Variants in CCSER1 observed in about 807,000 individuals in gnomAD.
CCSER1 encodes coiled-coil serine rich protein 1, also known as serine-rich coiled-coil domain-containing protein 1.
In CCSER1, 41 loss-of-function variants were observed where a neutral mutation model predicts 82.0. The observed-to-expected ratio is 0.50, with a 90% CI of 0.39 to 0.65. The LOEUF is 0.65. Ranked by LOEUF, CCSER1 falls within the 30% of genes least tolerant of loss-of-function variation. The pLI, the probability that CCSER1 is intolerant of heterozygous loss-of-function variation, is 0.00. For missense variants in CCSER1, 1,119 were observed against 1,064.2 expected (o/e 1.05, Z -0.72); for synonymous variants, 414 against 383.9 (o/e 1.08, Z -0.92).
chr4:90,372,418 A>G (rs1315633650), intron 3 of CCSER1, among the ~76,000 whole-genome samples: 1 of 152,186 alleles, frequency 6.6e-6, no homozygotes, highest in Non-Finnish European at 1.5e-5. Flanking sequence ...TCTGAGTGAT[A>G]TTGGAGCATG....
chr4:90,502,960 A>T (rs75378072), intron 5 of CCSER1, among the ~76,000 whole-genome samples: 2,448 of 152,268 alleles, frequency 0.016, 39 homozygotes, highest in African/African-American at 0.047. Context: ...GCACAAGATG[A>T]CTTCGGAGAG....
At chr4:91,418,303 T>TAAAAAAAA (rs142070235) in intron 10 of CCSER1, among the ~76,000 whole-genome samples, 1 of 113,634 alleles carries the variant, frequency 8.8e-6, no homozygotes, top group Non-Finnish European at 1.7e-5. Context: ...ATTTTTTAAT[T>TAAAAAAAA]AAAAAAAAAA....
At chr4:90,228,106 T>C (rs1164655604) in intron 1 of CCSER1, among the ~76,000 whole-genome samples, 1 of 152,176 alleles carries the variant, frequency 6.6e-6, no homozygotes, top group Non-Finnish European at 1.5e-5. Context: ...AAGCTCCAAC[T>C]GGGTGGAGCC....
At chr4:91,251,326 A>C (rs1740242124) in intron 10 of CCSER1, among the ~76,000 whole-genome samples, 1 of 152,166 alleles carries the variant, frequency 6.6e-6, no homozygotes, top group Admixed American at 6.6e-5. Flanking sequence ...TTATGCAGGC[A>C]CTAATTCTAT....
chr4:91,235,959 T>C (rs1738969016), intron 10 of CCSER1, among the ~76,000 whole-genome samples: 1 of 152,172 alleles, frequency 6.6e-6, no homozygotes, highest in South Asian at 2.1e-4. Flanking sequence ...ATTATCAGCT[T>C]TAACTGAGTT....
At chr4:90,302,276 C>G (rs2153474543) in intron 1 of CCSER1, among the ~76,000 whole-genome samples, 1 of 152,258 alleles carries the variant, frequency 6.6e-6, no homozygotes, top group African/African-American at 2.4e-5. Flanking sequence ...GATAAATATA[C>G]AGATGCTTAC....
chr4:90,863,446 A>G (rs1765339441), intron 8 of CCSER1, among the ~76,000 whole-genome samples: 1 of 151,898 alleles, frequency 6.6e-6, no homozygotes, highest in South Asian at 2.1e-4. Context: ...AGATACTTTT[A>G]CATATCACAT....
At position 90,906,863 on chromosome 4, in the gene CCSER1, C is replaced by T. The variant is rs561374816; in HGVS notation, c.2095-16507C>T. Among the ~76,000 whole-genome samples the T allele has an allele frequency of 3.4e-4, 52 of 152,138 alleles. 1 individual carries two copies. The highest frequency in any genetic ancestry group is 3.4e-3 in the Middle Eastern group (1 of 294). On this transcript the variant is annotated intron_variant, in intron 8 of 10. Transcript: ENST00000509176. ...TGTATTAGTCAGTGCCATTTTAACT[C>T]TCCTAAATCTTCGCAATGCCTATAT...
At chr4:91,440,363 C>T (rs1430788034) in intron 10 of CCSER1, among the ~76,000 whole-genome samples, 1 of 152,162 alleles carries the variant, frequency 6.6e-6, no homozygotes, top group Non-Finnish European at 1.5e-5. Flanking sequence ...TCCTGAATGA[C>T]TACTGGGTAC....
chr4:91,155,192 T>C (rs1730691249), intron 10 of CCSER1, among the ~76,000 whole-genome samples: 2 of 151,904 alleles, frequency 1.3e-5, no homozygotes, highest in Admixed American at 1.3e-4. Flanking sequence ...ATTGTAATAA[T>C]CCCCACGTTT....
At chr4:91,555,447 C>T (rs1762354171) in intron 10 of CCSER1, among the ~76,000 whole-genome samples, 2 of 150,906 alleles carry the variant, frequency 1.3e-5, no homozygotes, top group African/African-American at 4.9e-5. Context: ...TAGTTTAAAG[C>T]CCAATGCCCG....
At chr4:91,095,746 C>T (rs372650975) in intron 10 of CCSER1, among the ~76,000 whole-genome samples, 8 of 152,230 alleles carry the variant, frequency 5.3e-5, no homozygotes, top group African/African-American at 1.4e-4. Context: ...ACATTGGTGG[C>T]CTTCTGAGCC....
chr4:91,588,491 A>G (rs1483051545), intron 10 of CCSER1, among the ~76,000 whole-genome samples: 1 of 151,760 alleles, frequency 6.6e-6, no homozygotes, highest in Non-Finnish European at 1.5e-5. Context: ...AACTTTTTGT[A>G]CTATAATTAA....
intron 8 of CCSER1, among the ~76,000 whole-genome samples, chr4:90,862,452 C>T (rs1438600448): frequency 6.6e-6 from 1 of 151,934 alleles, no homozygotes; most frequent in Non-Finnish European, 1.5e-5. Context: ...TGACAACTGA[C>T]TTAATGGTGG....
chr4:90,438,024 G>A (rs1228137505), intron 4 of CCSER1, among the ~76,000 whole-genome samples: 1 of 152,100 alleles, frequency 6.6e-6, no homozygotes, highest in East Asian at 1.9e-4. Context: ...CCACAGTTCT[G>A]TAAAATGCAA....
Position 90,329,539 on chromosome 4 carries a change from A to G in CCSER1, c.1509+16492A>G, listed in dbSNP as rs10028176. On this transcript the variant is annotated intron_variant, in intron 3 of 10. Transcript: ENST00000509176. The stretch of plus-strand genomic sequence containing the variant: ...ATGACAGTGTTAGTTCCTTTCAGCC[A>G]CAACTAAAAATTCCTAAATGTTCAA... Among the ~76,000 whole-genome samples, 1,140 of 152,268 alleles carry G rather than the reference A, an allele frequency of 7.5e-3. 13 individuals carry two copies. The highest frequency in any genetic ancestry group is 0.026 in the African/African-American group (1,099 of 41,578).
intron 1 of CCSER1, among the ~76,000 whole-genome samples, chr4:90,152,805 G>C (rs1202896079): frequency 4.0e-5 from 6 of 151,886 alleles, no homozygotes; most frequent in South Asian, 2.1e-4. Flanking sequence ...AGGTGCTTAA[G>C]CTTTTGAGCA....
intron 8 of CCSER1, among the ~76,000 whole-genome samples, chr4:90,850,280 G>A (rs1201410616): frequency 6.6e-6 from 1 of 152,196 alleles, no homozygotes; most frequent in African/African-American, 2.4e-5. Flanking sequence ...CTAGGCGATG[G>A]CCCAGTGGGG....
chr4:90,450,704 T>C (rs1025833501), intron 4 of CCSER1, among the ~76,000 whole-genome samples: 2 of 152,112 alleles, frequency 1.3e-5, no homozygotes, highest in Admixed American at 1.3e-4. Flanking sequence ...TAGAAAGAAG[T>C]ACACAGTAAG....
Sources: allele counts gnomAD v4.1 joint callset (sites outside exome capture counted in the v4.1 genomes callset), GRCh38; gene constraint gnomAD v4.1.1; transcripts MANE v1.5; gene names NCBI Gene and HGNC (gene_info 2026-07-23, HGNC 2026-07-21).